The following DDX46 variants were observed in gnomAD, a reference collection of about 807,000 sequenced individuals.
The protein encoded by DDX46 is probable ATP-dependent RNA helicase DDX46.
DDX46 carries 30 observed loss-of-function variants against 134.9 expected under a neutral mutation model. The ratio of observed to expected loss-of-function variants is 0.22; its 90% confidence interval spans 0.17 to 0.30. The LOEUF (loss-of-function observed/expected upper bound fraction) is 0.30. Among genes scored for constraint, DDX46 ranks in the 10% least tolerant of loss-of-function variants. The pLI, the probability that DDX46 is intolerant of heterozygous loss-of-function variation, is 1.00. For missense variants in DDX46, 622 were observed against 1,248.7 expected, an observed-to-expected ratio of 0.50 and a Z score of 7.56; for synonymous variants, 415 against 404.1, an observed-to-expected ratio of 1.03 and a Z score of -0.32.
chr5:134,786,162 C>T (rs943452839), intron 11 of DDX46, among the ~76,000 whole-genome samples: 9 of 151,962 alleles, frequency 5.9e-5, no homozygotes, highest in African/African-American at 2.2e-4. Context: ...CTTACATGTT[C>T]TTACCACAAA....
intron 16 of DDX46, 48 bp downstream of exon 16, chr5:134,807,989 G>T (rs1755036767): frequency 1.3e-6 from 2 of 1,499,700 alleles, no homozygotes; most frequent in Non-Finnish European, 9.0e-7. Context: ...TAAAATACAG[G>T]TGTTTCTTTA....
intron 14 of DDX46, 142 bp downstream of exon 14, chr5:134,795,156 A>G: frequency 2.1e-6 from 2 of 930,418 alleles, no homozygotes; most frequent in Non-Finnish European, 3.2e-6. Context: ...TCAGTATTTT[A>G]CCAGATAAAC....
intron 6 of DDX46, among the ~76,000 whole-genome samples, chr5:134,780,153 TGC>T (rs1754094945): frequency 6.6e-6 from 1 of 151,602 alleles, no homozygotes; most frequent in African/African-American, 2.4e-5. Context: ...TGTATATATG[TGC>T]ATGTATATGT....
At chr5:134,794,770 C>A in intron 13 of DDX46, 80 bp from the exon 14 acceptor site, 2 of 1,531,956 alleles carry the variant, frequency 1.3e-6, no homozygotes, top group South Asian at 2.6e-5. Context: ...CTCAAAAGTT[C>A]CTTTTACTTG....
At chr5:134,810,012 C>T (rs2150155910) in intron 16 of DDX46, among the ~76,000 whole-genome samples, 1 of 152,158 alleles carries the variant, frequency 6.6e-6, no homozygotes, top group African/African-American at 2.4e-5. Flanking sequence ...AAACTCTTGT[C>T]TCAGAAACAA....
chr5:134,805,627 C>A, intron 15 of DDX46, among the ~76,000 whole-genome samples: 1 of 151,596 alleles, frequency 6.6e-6, no homozygotes, highest in Non-Finnish European at 1.5e-5. Context: ...CTCCCAGGTT[C>A]AAGCAATTCT....
At position 134,782,082 on chromosome 5, in the gene DDX46, A is replaced by G; in HGVS notation, c.1041A>G (p.Gln347=). Residue 347 remains glutamine, a synonymous_variant, in exon 8 of 23, where the codon CAA becomes CAG. Transcript: ENST00000452510. ...TTCCAGAACTAGCAAAAATGTCTCA[A>G]GAAGGTAAAATTCCATTTTTTCATT... ...VEVPELAKMS[Q]EEVNVFRLEM... 1 of 1,583,738 alleles carries G rather than the reference A, an allele frequency of 6.3e-7. No homozygotes were observed. The highest frequency in any genetic ancestry group is 8.5e-7 in the Non-Finnish European group (1 of 1,172,520).
chr5:134,771,670 C>T (rs919749936), intron 4 of DDX46, among the ~76,000 whole-genome samples: 52 of 151,666 alleles, frequency 3.4e-4, no homozygotes, highest in Admixed American at 1.4e-3. Context: ...CCACTGTACT[C>T]CAGCCTGGGT....
chr5:134,800,848 G>A (rs1017771528), intron 15 of DDX46, among the ~76,000 whole-genome samples: 2 of 152,076 alleles, frequency 1.3e-5, no homozygotes, highest in African/African-American at 4.8e-5. Flanking sequence ...ACTAATTTTT[G>A]TATTTTTAGT....
intron 11 of DDX46, among the ~76,000 whole-genome samples, chr5:134,786,237 A>T (rs1018926354): frequency 3.9e-5 from 6 of 152,212 alleles, no homozygotes; most frequent in Admixed American, 3.9e-4. Context: ...TTCAGAGTGT[A>T]TATGTATATC....
At chr5:134,763,468 C>T (rs1389207630) in intron 1 of DDX46, among the ~76,000 whole-genome samples, 2 of 152,186 alleles carry the variant, frequency 1.3e-5, no homozygotes, top group Non-Finnish European at 2.9e-5. Context: ...CAAGCTTCCT[C>T]TTTAGGGACT....
rs895220077 is a variant in DDX46 at position 134,807,910 on chromosome 5, G to A, written c.2117G>A (p.Arg706Lys). Residue 706 changes from arginine to lysine, a missense_variant, in exon 16 of 23, where the codon AGA (arginine) becomes AAA (lysine). By Grantham distance (26) the Arg-to-Lys change is conservative. Coordinates refer to ENST00000452510, the MANE Select transcript of DDX46 (RefSeq NM_001300860.2). ...AACCATTATGAGGATTATGTACACA[G>A]AGCAGGGCGGACTGGAAGAGCAGGA... ...CPNHYEDYVH[R>K]AGRTGRAGNK... The A allele has an allele frequency of 3.1e-6, 5 of 1,610,794 alleles. No homozygotes were observed.
At position 134,830,020 on chromosome 5, in the gene DDX46, C is replaced by T. The variant is rs1366097378; in HGVS notation, c.*1314C>T. ...ATTTAAATTGTTATAATTGGATTACCTAATATTCTTTTCAAGACTCCTGAT... is the reference window on the plus strand; with the variant it reads ...ATTTAAATTGTTATAATTGGATTACTTAATATTCTTTTCAAGACTCCTGAT... On this transcript the variant is annotated 3_prime_UTR_variant, in exon 23 of 23. Transcript: ENST00000452510. 1 of 151,210 alleles carries T rather than the reference C, an allele frequency of 6.6e-6. No individual in the cohort carries two copies. Among genetic ancestry groups the T allele is most frequent in the Non-Finnish European group, 1.5e-5 (1 of 67,850 alleles). 9.4% of individuals were successfully genotyped at this position (151,210 alleles called of 1,614,324 possible).
At chr5:134,802,165 T>C (rs931651079) in intron 15 of DDX46, among the ~76,000 whole-genome samples, 6 of 147,140 alleles carry the variant, frequency 4.1e-5, no homozygotes, top group South Asian at 2.1e-4. Flanking sequence ...CTTTCTTTTT[T>C]TTTTTTTTTT....
chr5:134,761,583 A>T lies in DDX46; in HGVS notation c.18-2321A>T, dbSNP rs537319162. On this transcript the variant is annotated intron_variant, in intron 1 of 22. Coordinates refer to ENST00000452510, the MANE Select transcript of DDX46 (RefSeq NM_001300860.2). ...GCTGTCCAGTTTATATTTCTAGAGAAACCTCTTCCTTGAACTACAGGCTAA... is the reference window on the plus strand; with the variant it reads ...GCTGTCCAGTTTATATTTCTAGAGATACCTCTTCCTTGAACTACAGGCTAA... 7.9e-5 allele frequency among the ~76,000 whole-genome samples: 12 copies of T among 152,234 alleles called. No individual in the cohort carries two copies. In the East Asian group the frequency reaches 2.3e-3, roughly 29 times the overall value.
At chr5:134,794,235 G>A (rs1486318701) in intron 13 of DDX46, among the ~76,000 whole-genome samples, 2 of 152,162 alleles carry the variant, frequency 1.3e-5, no homozygotes, top group South Asian at 2.1e-4. Context: ...ACATGTGTAC[G>A]CCTGCCTGCT....
intron 8 of DDX46, 112 bp downstream of exon 8, chr5:134,782,198 A>G: frequency 1.7e-6 from 2 of 1,170,400 alleles, no homozygotes; most frequent in South Asian, 1.8e-5. Context: ...TTTTGGAAAT[A>G]TTTTTAAAAT....
intron 12 of DDX46, chr5:134,790,059 C>A (rs1044609213): frequency 1.3e-5 from 6 of 457,770 alleles, no homozygotes; most frequent in Non-Finnish European, 2.6e-5. Context: ...AGCACTAGAA[C>A]TTGCTTTCCA....
At chr5:134,766,814 T>C (rs1753582367) in intron 2 of DDX46, 103 bp from the exon 3 acceptor site, 1 of 1,360,236 alleles carries the variant, frequency 7.4e-7, no homozygotes, top group Non-Finnish European at 9.8e-7. Flanking sequence ...CCACCTTTAA[T>C]AATGGTAGTG....
Sources: gnomAD v4.1 joint callset for allele counts (sites outside exome capture counted in the v4.1 genomes callset) on GRCh38, gnomAD v4.1.1 for gene constraint, MANE v1.5 for transcripts, NCBI Gene and HGNC (gene_info 2026-07-23, HGNC 2026-07-21) for gene names.